The following CNTNAP5 variants were observed in gnomAD, a reference collection of about 807,000 sequenced individuals.
The protein encoded by CNTNAP5 is contactin-associated protein-like 5.
Under a neutral mutation model 150.2 loss-of-function variants are expected in CNTNAP5, and 72 were observed. The ratio of observed to expected loss-of-function variants is 0.48; its 90% CI spans 0.40 to 0.58. CNTNAP5 has a LOEUF of 0.58. CNTNAP5 is among the 20% of genes least tolerant of loss of function. The pLI, the probability that CNTNAP5 is intolerant of heterozygous loss-of-function variation, is 0.00. For synonymous variants in CNTNAP5, 672 were observed against 619.8 expected, an observed-to-expected ratio of 1.08 and a Z score of -1.25; for missense variants, 1,636 against 1,626.2, an observed-to-expected ratio of 1.01 and a Z score of -0.10.
At chr2:124,133,910 C>T (rs893638388) in intron 1 of CNTNAP5, among the ~76,000 whole-genome samples, 4 of 152,190 alleles carry the variant, frequency 2.6e-5, no homozygotes, top group Non-Finnish European at 4.4e-5. Flanking sequence ...ATAACTTTAA[C>T]AAAACAACAC....
At chr2:124,471,972 A>G (rs187630740) in intron 6 of CNTNAP5, among the ~76,000 whole-genome samples, 5 of 152,260 alleles carry the variant, frequency 3.3e-5, no homozygotes, top group Admixed American at 3.3e-4. Context: ...TGTGGAATTT[A>G]CAAGTTCATT....
At chr2:124,761,214 A>T (rs1680948963) in intron 14 of CNTNAP5, among the ~76,000 whole-genome samples, 1 of 152,100 alleles carries the variant, frequency 6.6e-6, no homozygotes. Context: ...GACGATCACC[A>T]CTACCATCAC....
At chr2:124,853,477 G>T (rs1454308523) in intron 19 of CNTNAP5, among the ~76,000 whole-genome samples, 1 of 152,070 alleles carries the variant, frequency 6.6e-6, no homozygotes, top group Admixed American at 6.6e-5. Context: ...GGCTGCTAAG[G>T]TTCTCATCCG....
chr2:124,882,501 A>C (rs1677983740), intron 21 of CNTNAP5, among the ~76,000 whole-genome samples: 1 of 152,100 alleles, frequency 6.6e-6, no homozygotes, highest in African/African-American at 2.4e-5. Flanking sequence ...AGAAATCAGA[A>C]GTAAAACTAT....
intron 3 of CNTNAP5, among the ~76,000 whole-genome samples, chr2:124,312,854 G>C (rs901360989): frequency 1.3e-5 from 2 of 152,216 alleles, no homozygotes; most frequent in Non-Finnish European, 1.5e-5. Context: ...ACAGGCGTGA[G>C]CCACCAGGCT....
chr2:124,349,874 CT>C (rs70996061), intron 3 of CNTNAP5, among the ~76,000 whole-genome samples: 285 of 81,766 alleles, frequency 3.5e-3, no homozygotes, highest in African/African-American at 0.014. Flanking sequence ...CTGGCTATTT[CT>C]TTTTTTTTTT....
chr2:124,817,181 A>G (rs1573637052), intron 19 of CNTNAP5, among the ~76,000 whole-genome samples: 1 of 152,230 alleles, frequency 6.6e-6, no homozygotes, highest in Non-Finnish European at 1.5e-5. Context: ...TTCTCTATAC[A>G]TTCATTTTAT....
At chr2:124,697,010 G>A (rs546690726) in intron 13 of CNTNAP5, among the ~76,000 whole-genome samples, 15 of 152,052 alleles carry the variant, frequency 9.9e-5, no homozygotes, top group Non-Finnish European at 2.2e-4. Flanking sequence ...TCTCAGGAAG[G>A]TTAATTGACT....
intron 1 of CNTNAP5, among the ~76,000 whole-genome samples, chr2:124,149,391 T>C (rs1684345192): frequency 9.1e-6 from 1 of 109,888 alleles, no homozygotes; most frequent in Non-Finnish European, 1.7e-5. Flanking sequence ...TGTTCCAAGA[T>C]GGCGTCAATT....
At chr2:124,229,425 T>C (rs1035676425) in intron 2 of CNTNAP5, among the ~76,000 whole-genome samples, 6 of 152,122 alleles carry the variant, frequency 3.9e-5, no homozygotes, top group Non-Finnish European at 8.8e-5. Flanking sequence ...ATAGAAGGGA[T>C]TTGCCAAATA....
At chr2:124,810,395 G>A (rs1032534846) in intron 19 of CNTNAP5, among the ~76,000 whole-genome samples, 2 of 152,120 alleles carry the variant, frequency 1.3e-5, no homozygotes, top group Admixed American at 6.6e-5. Flanking sequence ...TTTTAATAGC[G>A]CTGCTTAAAC....
intron 6 of CNTNAP5, among the ~76,000 whole-genome samples, chr2:124,456,913 C>T (rs532735041): frequency 2.6e-5 from 4 of 152,284 alleles, no homozygotes; most frequent in African/African-American, 9.6e-5. Context: ...GAAAAGTCAA[C>T]TCAATGTGAA....
At chr2:124,504,690 C>A in intron 8 of CNTNAP5, 134 bp downstream of exon 8, 3 of 686,762 alleles carry the variant, frequency 4.4e-6, no homozygotes, top group Non-Finnish European at 6.9e-6. Context: ...TACTCCAAGT[C>A]TGAAGAGGCA....
At position 124,394,779 on chromosome 2, in the gene CNTNAP5, C is replaced by T. The variant is rs183587455; in HGVS notation, c.382-22664C>T. Reference sequence around the variant, plus strand: ...TGGTGGAGACAATATTGCAGCCCATCTGCTTTTCCTTCACCCTTCCTTCTC... The same window carrying T: ...TGGTGGAGACAATATTGCAGCCCATTTGCTTTTCCTTCACCCTTCCTTCTC... On this transcript the variant is annotated intron_variant, in intron 3 of 23. Transcript: ENST00000682447. Among the ~76,000 whole-genome samples the T allele has an allele frequency of 1.2e-4, 18 of 152,296 alleles. No individual in the cohort carries two copies. In the East Asian group the frequency reaches 2.9e-3, roughly 25 times the overall value.
chr2:124,132,718 C>T (rs1267054477), intron 1 of CNTNAP5, among the ~76,000 whole-genome samples: 1 of 152,148 alleles, frequency 6.6e-6, no homozygotes, highest in African/African-American at 2.4e-5. Context: ...AGCTAAGAAT[C>T]ATTTCAATTT....
chr2:124,718,611 GT>G (rs1679990730), intron 13 of CNTNAP5, among the ~76,000 whole-genome samples: 1 of 152,112 alleles, frequency 6.6e-6, no homozygotes, highest in African/African-American at 2.4e-5. Flanking sequence ...ATGTGGAACT[GT>G]TTCTCTTAGG....
chr2:124,453,737 A>T (rs1693046033), intron 6 of CNTNAP5, among the ~76,000 whole-genome samples: 1 of 152,158 alleles, frequency 6.6e-6, no homozygotes. Flanking sequence ...TTCAACTTCC[A>T]CAAACAAAAC....
At chr2:124,632,063 C>T (rs781490978) in intron 12 of CNTNAP5, among the ~76,000 whole-genome samples, 18 of 151,676 alleles carry the variant, frequency 1.2e-4, no homozygotes, top group South Asian at 4.2e-4. Flanking sequence ...CAGATGCTGG[C>T]GAGGTTGCAG....
At chr2:124,305,287 A>T (rs971740821) in intron 3 of CNTNAP5, among the ~76,000 whole-genome samples, 12 of 152,016 alleles carry the variant, frequency 7.9e-5, no homozygotes, top group African/African-American at 2.9e-4. Context: ...CAGACAAACA[A>T]AAAAGGTGAC....
Sources: allele counts gnomAD v4.1 joint callset (sites outside exome capture counted in the v4.1 genomes callset), GRCh38; gene constraint gnomAD v4.1.1; transcripts MANE v1.5; gene names NCBI Gene and HGNC (gene_info 2026-07-23, HGNC 2026-07-21).